Variants in SPHKAP observed in about 807,000 individuals in gnomAD.
SPHKAP encodes A-kinase anchor protein SPHKAP.
Under a neutral mutation model 137.5 loss-of-function variants are expected in SPHKAP, and 67 were observed. That is an observed-to-expected ratio of 0.49 (90% CI 0.40 to 0.60). SPHKAP has a LOEUF of 0.60. Ranked by LOEUF, SPHKAP falls within the 20% of genes least tolerant of loss-of-function variation. SPHKAP has a pLI of 0.00. For missense variants in SPHKAP, 2,097 were observed against 2,069.3 expected, an observed-to-expected ratio of 1.01 and a Z score of -0.26; for synonymous variants, 813 against 785.3, an observed-to-expected ratio of 1.04 and a Z score of -0.59.
chr2:228,092,304 C>T (rs1259559997), intron 3 of SPHKAP, among the ~76,000 whole-genome samples: 2 of 99,360 alleles, frequency 2.0e-5, no homozygotes, highest in South Asian at 2.6e-4. Context: ...TGCACACACA[C>T]GTGTATGTGT....
intron 11 of SPHKAP, among the ~76,000 whole-genome samples, chr2:227,989,156 G>T (rs1486318254): frequency 6.6e-6 from 1 of 152,118 alleles, no homozygotes; most frequent in East Asian, 1.9e-4. Context: ...TTGGCACTGA[G>T]AATTAAAATG....
At chr2:228,109,110 T>A (rs921351451) in intron 2 of SPHKAP, among the ~76,000 whole-genome samples, 171 bp from the exon 3 acceptor site, 1 of 152,038 alleles carries the variant, frequency 6.6e-6, no homozygotes, top group Non-Finnish European at 1.5e-5. Flanking sequence ...CTAAAATGTA[T>A]AAAATATCCA....
At chr2:227,996,372 G>A (rs1693640559) in intron 7 of SPHKAP, among the ~76,000 whole-genome samples, 1 of 152,142 alleles carries the variant, frequency 6.6e-6, no homozygotes, top group Non-Finnish European at 1.5e-5. Flanking sequence ...TGATCTGACA[G>A]GCCTTTGTTC....
intron 7 of SPHKAP, among the ~76,000 whole-genome samples, chr2:228,007,461 T>C (rs1245350688): frequency 1.3e-5 from 2 of 152,114 alleles, no homozygotes; most frequent in Non-Finnish European, 2.9e-5. Flanking sequence ...GAATTTTCCT[T>C]TCTCTGTCCA....
intron 3 of SPHKAP, among the ~76,000 whole-genome samples, chr2:228,088,547 G>T (rs1396635347): frequency 6.6e-6 from 1 of 152,150 alleles, no homozygotes; most frequent in Non-Finnish European, 1.5e-5. Context: ...TAAAAATCAA[G>T]AAGTACTAAG....
chr2:228,009,006 A>C lies in SPHKAP; in HGVS notation c.4448+7400T>G, dbSNP rs150516409. Among the ~76,000 whole-genome samples the C allele has an allele frequency of 6.5e-3, 990 of 152,304 alleles. 35 individuals are homozygous for C. Among genetic ancestry groups the C allele is most frequent in the Admixed American group, 0.056 (855 of 15,292 alleles). On this transcript the variant is annotated intron_variant, in intron 7 of 11. Coordinates refer to ENST00000392056, the MANE Select transcript of SPHKAP (RefSeq NM_001142644.2). ...TTGGAATTAGTTTGTTGATATCTGC[A>C]AAATAACTTGCTGGGATTTTGATTG...
intron 3 of SPHKAP, among the ~76,000 whole-genome samples, chr2:228,081,381 A>C (rs1447683790): frequency 6.6e-6 from 1 of 152,222 alleles, no homozygotes; most frequent in Non-Finnish European, 1.5e-5. Context: ...TCTTCTAGGC[A>C]TGTCCTTAAC....
chr2:228,132,193 G>C, intron 1 of SPHKAP, 108 bp from the exon 2 acceptor site: 1 of 967,796 alleles, frequency 1.0e-6, no homozygotes, highest in Non-Finnish European at 1.6e-6. Flanking sequence ...ATCTTTTTCA[G>C]ATTGCATTAA....
intron 3 of SPHKAP, among the ~76,000 whole-genome samples, chr2:228,043,033 G>A (rs893384283): frequency 6.6e-6 from 1 of 152,100 alleles, no homozygotes; most frequent in African/African-American, 2.4e-5. Flanking sequence ...CAAAAAGACT[G>A]CAATTTAAAA....
chr2:228,096,965 C>T lies in SPHKAP; in HGVS notation c.246+11867G>A, dbSNP rs554931363. Among the ~76,000 whole-genome samples, 341 of 152,010 alleles carry T rather than the reference C, an allele frequency of 2.2e-3. 2 individuals are homozygous for T. The highest frequency in any genetic ancestry group is 9.1e-3 in the South Asian group (44 of 4,810). On this transcript the variant is annotated intron_variant, in intron 3 of 11. Coordinates refer to ENST00000392056, the MANE Select transcript of SPHKAP (RefSeq NM_001142644.2). ...AATTACTTCTATTTTAAAAATTTAC[C>T]CTGAGAATCTAGGTGTTTTTCTTTT...
At chr2:227,984,606 C>T (rs746689467) in intron 11 of SPHKAP, among the ~76,000 whole-genome samples, 14 of 152,104 alleles carry the variant, frequency 9.2e-5, no homozygotes, top group Non-Finnish European at 1.8e-4. Context: ...TGATGACATG[C>T]GGCTTCGGAA....
At chr2:228,109,836 G>A (rs1418919088) in intron 2 of SPHKAP, among the ~76,000 whole-genome samples, 1 of 150,926 alleles carries the variant, frequency 6.6e-6, no homozygotes, top group Non-Finnish European at 1.5e-5. Flanking sequence ...GCGTGGTGGT[G>A]CGCCCCTGTA....
chr2:228,110,433 CT>C (rs1284138138), intron 2 of SPHKAP, among the ~76,000 whole-genome samples: 1 of 151,854 alleles, frequency 6.6e-6, no homozygotes, highest in Non-Finnish European at 1.5e-5. Context: ...CAAAGAGACC[CT>C]TTGTGGATGA....
chr2:228,056,022 A>G (rs1696428171), intron 3 of SPHKAP, among the ~76,000 whole-genome samples: 1 of 152,214 alleles, frequency 6.6e-6, no homozygotes, highest in Admixed American at 6.5e-5. Context: ...CAATGACAGG[A>G]TGAAGCTTAG....
chr2:228,119,448 G>A (rs1278097841), intron 2 of SPHKAP, among the ~76,000 whole-genome samples: 2 of 78,206 alleles, frequency 2.6e-5, no homozygotes, highest in African/African-American at 8.2e-5. Flanking sequence ...TAGTTTAAAA[G>A]CCTAGTATAC....
At chr2:228,133,306 C>CAAATAAATAAATAAAT (rs61240096) in intron 1 of SPHKAP, among the ~76,000 whole-genome samples, 1 of 148,328 alleles carries the variant, frequency 6.7e-6, no homozygotes. Flanking sequence ...GACTCCATCT[C>CAAATAAATAAATAAAT]AAATAAATAA....
chr2:228,156,478 C>A (rs1343337308), intron 1 of SPHKAP, among the ~76,000 whole-genome samples: 1 of 152,176 alleles, frequency 6.6e-6, no homozygotes, highest in Non-Finnish European at 1.5e-5. Context: ...AATGGGATAT[C>A]TTTCTAATGA....
chr2:228,059,401 G>A (rs1696560082), intron 3 of SPHKAP, among the ~76,000 whole-genome samples: 1 of 152,120 alleles, frequency 6.6e-6, no homozygotes, highest in Non-Finnish European at 1.5e-5. Flanking sequence ...GTAAATAAAA[G>A]GACTCTCTAT....
At chr2:228,105,301 G>C (rs558661699) in intron 3 of SPHKAP, among the ~76,000 whole-genome samples, 1 of 152,236 alleles carries the variant, frequency 6.6e-6, no homozygotes, top group South Asian at 2.1e-4. Flanking sequence ...AAAGTCAAGA[G>C]TACTGACAAG....
Sources: gnomAD v4.1 joint callset for allele counts (sites outside exome capture counted in the v4.1 genomes callset) on GRCh38, gnomAD v4.1.1 for gene constraint, MANE v1.5 for transcripts, NCBI Gene and HGNC (gene_info 2026-07-23, HGNC 2026-07-21) for gene names.